The following JAK1 variants were observed in gnomAD, a reference collection of about 807,000 sequenced individuals.
JAK1 encodes Janus kinase 1.
JAK1 carries 16 observed loss-of-function variants against 136.6 expected under a neutral mutation model. That is an observed-to-expected ratio of 0.12 (90% confidence interval 0.08 to 0.18). The LOEUF is 0.18. JAK1 is among the 10% of genes least tolerant of loss of function. The pLI is 1.00. For missense variants in JAK1, 859 were observed against 1,450.1 expected (o/e 0.59, Z 6.62); for synonymous variants, 492 against 519.5 (o/e 0.95, Z 0.72).
intron 22 of JAK1, 21 bp downstream of exon 22, chr1:64,837,911 C>A (rs768901914): frequency 6.3e-7 from 1 of 1,599,904 alleles, no homozygotes; most frequent in Admixed American, 1.7e-5. Context: ...TTGATAAAAC[C>A]TAGTGGTTTG....
At chr1:65,003,556 GA>G (rs1646780000) in intron 2 of JAK1, 1 of 152,158 alleles carries the variant, frequency 6.6e-6, no homozygotes, top group Non-Finnish European at 1.5e-5. Context: ...TGAGTATTTG[GA>G]GGAGGGATTT....
intron 2 of JAK1, among the ~76,000 whole-genome samples, chr1:65,040,798 C>G (rs550620731): frequency 3.6e-4 from 54 of 151,852 alleles, no homozygotes; most frequent in African/African-American, 1.3e-3. Context: ...CAAGGGATAC[C>G]ACGAAAAAAA....
chr1:64,878,992 G>A, intron 4 of JAK1, 33 bp downstream of exon 4: 1 of 1,612,122 alleles, frequency 6.2e-7, no homozygotes, highest in Non-Finnish European at 8.5e-7. Context: ...TGCAGAGGGA[G>A]CCAGGCAGGT....
chr1:64,931,050 T>C (rs1645682515), intron 1 of JAK1, among the ~76,000 whole-genome samples: 1 of 152,104 alleles, frequency 6.6e-6, no homozygotes, highest in Non-Finnish European at 1.5e-5. Flanking sequence ...CTAATGTAGA[T>C]GACAGGTTGA....
chr1:64,876,371 C>T (rs1254468759), intron 4 of JAK1: 1 of 152,214 alleles, frequency 6.6e-6, no homozygotes, highest in Non-Finnish European at 1.5e-5. Flanking sequence ...GCTGAGAGCC[C>T]TGTGGGACCA....
At chr1:64,837,078 G>A (rs1324478694) in intron 22 of JAK1, among the ~76,000 whole-genome samples, 2 of 152,068 alleles carry the variant, frequency 1.3e-5, no homozygotes, top group South Asian at 2.1e-4. Context: ...GTCTAAACCC[G>A]CATGAATCTT....
intron 1 of JAK1, among the ~76,000 whole-genome samples, chr1:64,913,655 AGAAGGAAGGAAG>A (rs1285435585): frequency 5.8e-5 from 2 of 34,484 alleles, no homozygotes; most frequent in African/African-American, 1.4e-4. Context: ...AAGGAAGGAA[AGAAGGAAGGAAG>A]GAAGGAAGGA....
chr1:64,878,952 CAG>C lies in JAK1; in HGVS notation c.329+71_329+72del, dbSNP rs1644725358. On this transcript the variant is annotated intron_variant, in intron 4 of 24. Coordinates refer to ENST00000342505, the MANE Select transcript of JAK1 (RefSeq NM_002227.4). ...CTACAATACTTCTTGGTAAGTGACT[CAG>C]GGCTCCAGGCTGACCACTGTCCCTC... 2.1e-6 allele frequency: 3 copies of C among 1,454,234 alleles called. No individual in the cohort carries two copies. The African/African-American group carries it at 4.3e-5, about 21-fold the overall frequency. 90.1% of individuals were successfully genotyped at this position (1,454,234 alleles called of 1,614,324 possible).
chr1:64,908,009 G>A (rs541157729), intron 1 of JAK1, among the ~76,000 whole-genome samples: 9 of 152,178 alleles, frequency 5.9e-5, no homozygotes, highest in African/African-American at 2.2e-4. Context: ...CAAGTGTATA[G>A]AGCATTGTAC....
Position 64,937,557 on chromosome 1 carries a change from C to G in JAK1, c.-78+28776G>C, listed in dbSNP as rs180908840. Among the ~76,000 whole-genome samples the G allele has an allele frequency of 5.3e-5, 8 of 152,278 alleles. No homozygotes were observed. The East Asian group carries it at 1.5e-3, about 29-fold the overall frequency. The stretch of plus-strand genomic sequence containing the variant: ...ACTTCAATTATACAACACAGGCCCT[C>G]TGTTACAACTTCTTGTCAATCTATA... On this transcript the variant is annotated intron_variant, in intron 1 of 24. Coordinates refer to ENST00000342505, the MANE Select transcript of JAK1 (RefSeq NM_002227.4).
chr1:64,979,255 C>G (rs1646522782), intron 2 of JAK1, among the ~76,000 whole-genome samples: 1 of 152,080 alleles, frequency 6.6e-6, no homozygotes, highest in African/African-American at 2.4e-5. Flanking sequence ...TAAAAATTAG[C>G]CATGTACAAT....
chr1:64,892,312 G>A (rs990789940), intron 1 of JAK1, among the ~76,000 whole-genome samples: 28 of 152,000 alleles, frequency 1.8e-4, no homozygotes, highest in Admixed American at 3.9e-4. Context: ...ATGGAATCTC[G>A]CTCTGTCACC....
intron 1 of JAK1, among the ~76,000 whole-genome samples, chr1:64,934,878 C>T (rs780334581): frequency 3.3e-5 from 5 of 152,336 alleles, no homozygotes; most frequent in East Asian, 1.9e-4. Flanking sequence ...GTGCCTAGAA[C>T]ATAGTAAGTG....
chr1:65,025,681 T>C (rs3014970), intron 2 of JAK1, among the ~76,000 whole-genome samples: 2 of 92,810 alleles, frequency 2.2e-5, no homozygotes, highest in South Asian at 3.9e-4. Context: ...TTCTTTCTTT[T>C]TTCTTTCCTT....
intron 2 of JAK1, among the ~76,000 whole-genome samples, chr1:64,987,917 T>C (rs1476784286): frequency 6.6e-6 from 1 of 152,186 alleles, no homozygotes; most frequent in Non-Finnish European, 1.5e-5. Flanking sequence ...TAGAGGGAGA[T>C]GCTGTATCTT....
chr1:64,923,958 T>C (rs1368893388), intron 1 of JAK1, among the ~76,000 whole-genome samples: 2 of 151,384 alleles, frequency 1.3e-5, no homozygotes, highest in African/African-American at 4.8e-5. Context: ...TAACTATAAA[T>C]AAAGAATTTA....
chr1:65,050,483 G>T (rs1647253530), intron 1 of JAK1, among the ~76,000 whole-genome samples: 1 of 152,214 alleles, frequency 6.6e-6, no homozygotes, highest in Non-Finnish European at 1.5e-5. Flanking sequence ...GAAAGGACTT[G>T]ATTCCCTGAC....
chr1:65,035,639 G>A (rs1235331121), intron 2 of JAK1, among the ~76,000 whole-genome samples: 1 of 152,176 alleles, frequency 6.6e-6, no homozygotes, highest in Non-Finnish European at 1.5e-5. Flanking sequence ...TTAAAAAACT[G>A]TAGAAGTGTG....
intron 1 of JAK1, among the ~76,000 whole-genome samples, chr1:64,927,919 T>C (rs930662451): frequency 7.9e-5 from 12 of 152,226 alleles, no homozygotes; most frequent in Admixed American, 5.9e-4. Context: ...AAATCCAATC[T>C]GCCTTTTACT....
Sources: allele counts gnomAD v4.1 joint callset (sites outside exome capture counted in the v4.1 genomes callset), GRCh38; gene constraint gnomAD v4.1.1; transcripts MANE v1.5; gene names NCBI Gene and HGNC (gene_info 2026-07-23, HGNC 2026-07-21).